TMEM132D: variants seen among roughly 807,000 people sequenced by gnomAD.
TMEM132D encodes mature OL transmembrane protein.
Under a neutral mutation model 62.3 loss-of-function variants are expected in TMEM132D, and 21 were observed. The ratio of observed to expected loss-of-function variants is 0.34; its 90% CI spans 0.24 to 0.49. The LOEUF (loss-of-function observed/expected upper bound fraction) is 0.49, where lower values mean the gene tolerates loss of function less well. Ranked by LOEUF, TMEM132D falls within the 20% of genes least tolerant of loss-of-function variation. The probability of loss-of-function intolerance (pLI) is 0.99; values close to 1 mark genes in which losing one functional copy is unlikely to be tolerated. For missense variants in TMEM132D, 1,346 were observed against 1,402.8 expected (o/e 0.96, Z 0.65); for synonymous variants, 621 against 575.6 (o/e 1.08, Z -1.13).
rs535059599 is a variant in TMEM132D, at chr12:129,500,683, C to A, written c.1115+30376G>T. Among the ~76,000 whole-genome samples, 334 of 152,298 alleles carry A rather than the reference C, an allele frequency of 2.2e-3. 3 individuals are homozygous for A. The highest frequency in any genetic ancestry group is 7.7e-3 in the African/African-American group (319 of 41,558). On this transcript the variant is annotated intron_variant, in intron 3 of 8. Transcript: ENST00000422113. ...ACAATGACCCGCTTTTCCTCCTTCC[C>A]CCGTCCAAATGGAAAAAGAGAAAGA...
chr12:129,306,207 TC>T (rs1309653939), intron 4 of TMEM132D, among the ~76,000 whole-genome samples: 1 of 152,294 alleles, frequency 6.6e-6, no homozygotes, highest in East Asian at 1.9e-4. Context: ...AAAAAGTACA[TC>T]TAAGTGTTGT....
At chr12:129,416,059 G>A (rs2135708270) in intron 3 of TMEM132D, among the ~76,000 whole-genome samples, 1 of 152,292 alleles carries the variant, frequency 6.6e-6, no homozygotes, top group East Asian at 1.9e-4. Context: ...AGGGCCTTGT[G>A]AAATTTAAAG....
intron 3 of TMEM132D, among the ~76,000 whole-genome samples, chr12:129,464,345 A>G (rs1873808098): frequency 6.6e-6 from 1 of 152,056 alleles, no homozygotes; most frequent in Non-Finnish European, 1.5e-5. Context: ...AAATTTATTT[A>G]AGTTCATTGT....
chr12:129,731,214 G>C (rs1176950558), intron 1 of TMEM132D, among the ~76,000 whole-genome samples: 1 of 151,950 alleles, frequency 6.6e-6, no homozygotes, highest in Admixed American at 6.5e-5. Flanking sequence ...TCATTCATTC[G>C]TTCACTCAGC....
chr12:129,555,431 C>CA (rs1196060401), intron 2 of TMEM132D, among the ~76,000 whole-genome samples: 1 of 152,062 alleles, frequency 6.6e-6, no homozygotes, highest in Non-Finnish European at 1.5e-5. Flanking sequence ...TGGATTACCT[C>CA]AAAAGCAGAA....
chr12:129,799,405 A>G (rs61942069), intron 1 of TMEM132D, among the ~76,000 whole-genome samples: 1 of 656 alleles, frequency 1.5e-3, no homozygotes, highest in African/African-American at 4.8e-3. Context: ...CATATTATAT[A>G]TGTATATATA....
chr12:129,441,590 C>T lies in TMEM132D; in HGVS notation c.1115+89469G>A, dbSNP rs1872937979. On this transcript the variant is annotated intron_variant, in intron 3 of 8. Coordinates refer to ENST00000422113, the MANE Select transcript of TMEM132D (RefSeq NM_133448.3). ...GAAATAGCCTGACTTCTGCTTTCTC[C>T]TTGCCCTTTAAACTCCCACTCTTTG... Among the ~76,000 whole-genome samples the T allele has an allele frequency of 2.6e-5, 4 of 152,162 alleles. No individual in the cohort carries two copies. The South Asian group carries it at 8.3e-4, about 32-fold the overall frequency.
intron 2 of TMEM132D, among the ~76,000 whole-genome samples, chr12:129,643,789 G>C (rs1387769489): frequency 1.3e-5 from 2 of 151,844 alleles, no homozygotes; most frequent in Admixed American, 1.3e-4. Flanking sequence ...GGCCCCTCCA[G>C]GCTTCCAGTT....
At chr12:129,253,680 T>C (rs778391439) in intron 4 of TMEM132D, among the ~76,000 whole-genome samples, 47 of 152,186 alleles carry the variant, frequency 3.1e-4, no homozygotes, top group Non-Finnish European at 1.9e-4. Context: ...AAAAGAAGCA[T>C]AGGTTCAGTT....
At chr12:129,218,559 C>T (rs1391837360) in intron 4 of TMEM132D, among the ~76,000 whole-genome samples, 1 of 152,170 alleles carries the variant, frequency 6.6e-6, no homozygotes, top group East Asian at 1.9e-4. Context: ...GTAGCATAAT[C>T]TTATGGGACC....
chr12:129,463,649 G>A (rs1478715852), intron 3 of TMEM132D, among the ~76,000 whole-genome samples: 31 of 135,696 alleles, frequency 2.3e-4, no homozygotes, highest in African/African-American at 4.3e-4. Flanking sequence ...AACAGGCCCC[G>A]ATGTGTGATG....
At chr12:129,633,738 G>A (rs2137169038) in intron 2 of TMEM132D, among the ~76,000 whole-genome samples, 1 of 152,102 alleles carries the variant, frequency 6.6e-6, no homozygotes, top group East Asian at 1.9e-4. Flanking sequence ...ACGGTCCCCG[G>A]GCCTGACAGC....
At position 129,447,899 on chromosome 12, in the gene TMEM132D, T is replaced by C. The variant is rs140128488; in HGVS notation, c.1115+83160A>G. 5.9e-5 allele frequency among the ~76,000 whole-genome samples: 9 copies of C among 152,320 alleles called. No homozygotes were observed. The East Asian group carries it at 1.3e-3, about 23-fold the overall frequency. On this transcript the variant is annotated intron_variant, in intron 3 of 8. Coordinates refer to ENST00000422113, the MANE Select transcript of TMEM132D (RefSeq NM_133448.3). ...ATCTGGGTACTATTTATCTGATTTG[T>C]TATAATCTGCAAGGTGTCTTTCAGC... is the stretch of plus-strand genomic sequence containing the variant.
intron 1 of TMEM132D, among the ~76,000 whole-genome samples, chr12:129,776,492 G>A (rs922622896): frequency 6.6e-6 from 1 of 151,836 alleles, no homozygotes; most frequent in East Asian, 1.9e-4. Context: ...CTCTTTTCTG[G>A]TTCTTTCTCA....
chr12:129,533,104 T>C (rs775959242), intron 2 of TMEM132D, among the ~76,000 whole-genome samples: 2 of 152,206 alleles, frequency 1.3e-5, no homozygotes, highest in Non-Finnish European at 2.9e-5. Context: ...GAATTGCTTC[T>C]AGGTGTGGCC....
At chr12:129,838,213 G>T (rs1873067058) in intron 1 of TMEM132D, among the ~76,000 whole-genome samples, 1 of 152,184 alleles carries the variant, frequency 6.6e-6, no homozygotes, top group Admixed American at 6.5e-5. Context: ...AACTCAGAAT[G>T]TCCACACTGT....
chr12:129,444,661 T>C (rs572393814), intron 3 of TMEM132D, among the ~76,000 whole-genome samples: 1 of 152,236 alleles, frequency 6.6e-6, no homozygotes, highest in African/African-American at 2.4e-5. Flanking sequence ...CCTCTCTTTG[T>C]CCGTGTATTC....
chr12:129,631,205 C>T (rs1409186034), intron 2 of TMEM132D, among the ~76,000 whole-genome samples: 2 of 152,180 alleles, frequency 1.3e-5, no homozygotes, highest in Non-Finnish European at 2.9e-5. Context: ...TGTCTGACAT[C>T]AAGAACTGCT....
At chr12:129,576,175 AC>A (rs1034962344) in intron 2 of TMEM132D, among the ~76,000 whole-genome samples, 1 of 151,808 alleles carries the variant, frequency 6.6e-6, no homozygotes, top group South Asian at 2.1e-4. Context: ...CTCTTTGCAT[AC>A]CCTCTACCTA....
Sources: allele counts gnomAD v4.1 joint callset (sites outside exome capture counted in the v4.1 genomes callset), GRCh38; gene constraint gnomAD v4.1.1; transcripts MANE v1.5; gene names NCBI Gene and HGNC (gene_info 2026-07-23, HGNC 2026-07-21).